NTRK3: variants seen among roughly 807,000 people sequenced by gnomAD.
NTRK3 encodes NT-3 growth factor receptor.
NTRK3 carries 24 observed loss-of-function variants against 91.7 expected under a neutral mutation model. The observed-to-expected ratio is 0.26, with a 90% CI of 0.19 to 0.37. NTRK3 has a LOEUF of 0.37. Among genes scored for constraint, NTRK3 ranks in the 10% least tolerant of loss-of-function variants. The probability of loss-of-function intolerance (pLI) is 1.00; values close to 1 mark genes in which losing one functional copy is unlikely to be tolerated. For missense variants in NTRK3, 880 were observed against 1,068.9 expected, an observed-to-expected ratio of 0.82 and a Z score of 2.46; for synonymous variants, 483 against 404.0, an observed-to-expected ratio of 1.20 and a Z score of -2.34.
At chr15:88,011,526 TA>T (rs372064187) in intron 14 of NTRK3, among the ~76,000 whole-genome samples, 10 of 152,330 alleles carry the variant, frequency 6.6e-5, no homozygotes, top group African/African-American at 2.4e-4. Flanking sequence ...AGTAATCTGA[TA>T]TTTTCTGGCA....
intron 14 of NTRK3, among the ~76,000 whole-genome samples, chr15:87,977,168 G>A (rs2073799849): frequency 1.3e-5 from 2 of 152,196 alleles, no homozygotes; most frequent in Admixed American, 6.5e-5. Context: ...TTTACTGTAT[G>A]AGCCTAAGCT....
intron 13 of NTRK3, among the ~76,000 whole-genome samples, chr15:88,110,479 T>C (rs12906303): frequency 6.6e-6 from 1 of 152,118 alleles, no homozygotes; most frequent in African/African-American, 2.4e-5. Context: ...GTAACAAAAC[T>C]AGGGGTGGTC....
intron 17 of NTRK3, among the ~76,000 whole-genome samples, chr15:87,916,899 A>T (rs894675084): frequency 2.0e-4 from 30 of 151,860 alleles, no homozygotes; most frequent in African/African-American, 7.3e-4. Flanking sequence ...AGCATGTGGG[A>T]CTACAGGTAT....
chr15:88,200,417 T>G (rs1407954890), intron 3 of NTRK3, among the ~76,000 whole-genome samples: 1 of 152,212 alleles, frequency 6.6e-6, no homozygotes, highest in Non-Finnish European at 1.5e-5. Flanking sequence ...ACCACTGATA[T>G]GGTTTGGCTG....
chr15:88,129,548 G>C (rs1218312210), intron 10 of NTRK3, among the ~76,000 whole-genome samples: 2 of 152,184 alleles, frequency 1.3e-5, no homozygotes, highest in African/African-American at 2.4e-5. Context: ...CACAACAGAA[G>C]CACCCAGATG....
chr15:87,996,213 C>T (rs1433538796), intron 14 of NTRK3, among the ~76,000 whole-genome samples: 6 of 152,076 alleles, frequency 3.9e-5, no homozygotes, highest in Non-Finnish European at 7.4e-5. Context: ...CACTGCACTC[C>T]AGCCTGGGCG....
chr15:88,244,813 T>C (rs184068682), intron 3 of NTRK3, among the ~76,000 whole-genome samples: 7 of 152,192 alleles, frequency 4.6e-5, no homozygotes, highest in African/African-American at 1.7e-4. Flanking sequence ...GACAGACTTA[T>C]TGGATTACAA....
chr15:87,874,593 CAG>C, exon 19 of NTRK3: 1 of 233,014 alleles, frequency 4.3e-6, no homozygotes, highest in East Asian at 6.0e-5. Context: ...GCCAAGAAGA[CAG>C]AAGCCACACA....
intron 14 of NTRK3, among the ~76,000 whole-genome samples, chr15:87,993,713 T>G (rs777790013): frequency 2.0e-5 from 3 of 152,072 alleles, no homozygotes; most frequent in Non-Finnish European, 4.4e-5. Flanking sequence ...TACCAGCAAA[T>G]GTATATCAAA....
At chr15:88,000,640 A>G (rs2141617771) in intron 14 of NTRK3, among the ~76,000 whole-genome samples, 1 of 152,300 alleles carries the variant, frequency 6.6e-6, no homozygotes, top group East Asian at 1.9e-4. Flanking sequence ...AGCTTCTTTC[A>G]CTTGACATAC....
At chr15:88,137,887 C>G (rs1411275367) in intron 6 of NTRK3, among the ~76,000 whole-genome samples, 1 of 152,108 alleles carries the variant, frequency 6.6e-6, no homozygotes, top group Non-Finnish European at 1.5e-5. Context: ...CCCGTCTCTA[C>G]TAAAAATACA....
intron 5 of NTRK3, among the ~76,000 whole-genome samples, chr15:88,160,561 C>T (rs546755410): frequency 1.2e-4 from 19 of 152,290 alleles, no homozygotes; most frequent in African/African-American, 2.6e-4. Flanking sequence ...ATGTAAAAAG[C>T]CATAGCTGGA....
At chr15:88,182,094 G>A (rs955326486) in intron 5 of NTRK3, among the ~76,000 whole-genome samples, 1 of 152,138 alleles carries the variant, frequency 6.6e-6, no homozygotes, top group Non-Finnish European at 1.5e-5. Context: ...AGGGGCAACA[G>A]TTAATTAGGC....
intron 13 of NTRK3, among the ~76,000 whole-genome samples, chr15:88,123,417 T>C (rs2052947227): frequency 6.6e-6 from 1 of 152,228 alleles, no homozygotes; most frequent in Non-Finnish European, 1.5e-5. Context: ...CTGGTACCGG[T>C]GTCATCACTC....
intron 3 of NTRK3, among the ~76,000 whole-genome samples, chr15:88,201,907 CTTTATAAAAT>C (rs1482339226): frequency 6.6e-6 from 1 of 152,136 alleles, no homozygotes; most frequent in Admixed American, 6.5e-5. Context: ...CTGATAACAA[CTTTATAAAAT>C]ACATTTGAAT....
In NTRK3 at chr15:87,862,681, A is replaced by G. The variant is rs547372054; in HGVS notation, c.*14254T>C. 1.3e-5 allele frequency: 3 copies of G among 229,336 alleles called. No individual in the cohort carries two copies. In the South Asian group the frequency reaches 5.5e-4, roughly 42 times the overall value. The allele number at this position is 229,336 out of a possible 1,614,324, so 14.2% of individuals were successfully genotyped here. A position where few individuals can be genotyped will look rare whatever the true frequency, so the allele number is the denominator to read the frequency against. On this transcript the variant is annotated 3_prime_UTR_variant, in exon 19 of 19. Coordinates refer to ENST00000394480, the Ensembl canonical transcript of NTRK3. Reference sequence around the variant, plus strand: ...TGGCCAATCACAAAGCAATGTGACAACATGTGCTTCTGCTACCCTTGTTTT... The same window carrying G: ...TGGCCAATCACAAAGCAATGTGACAGCATGTGCTTCTGCTACCCTTGTTTT...
intron 3 of NTRK3, among the ~76,000 whole-genome samples, chr15:88,224,993 T>A (rs990130998): frequency 2.0e-5 from 3 of 152,192 alleles, no homozygotes; most frequent in Admixed American, 2.0e-4. Flanking sequence ...CTTTTTATTT[T>A]CCTATAATGA....
chr15:87,891,424 C>T (rs892777591), intron 17 of NTRK3, among the ~76,000 whole-genome samples: 1 of 152,156 alleles, frequency 6.6e-6, no homozygotes, highest in Non-Finnish European at 1.5e-5. Context: ...AACTGAGACA[C>T]TGTTTCAAAG....
At chr15:87,990,766 C>G (rs2075225574) in intron 14 of NTRK3, among the ~76,000 whole-genome samples, 1 of 152,142 alleles carries the variant, frequency 6.6e-6, no homozygotes, top group African/African-American at 2.4e-5. Context: ...ATGTTTATCT[C>G]TATCTTTGGG....
Sources: gnomAD v4.1 joint callset for allele counts (sites outside exome capture counted in the v4.1 genomes callset) on GRCh38, gnomAD v4.1.1 for gene constraint, MANE v1.5 for transcripts, NCBI Gene and HGNC (gene_info 2026-07-23, HGNC 2026-07-21) for gene names.